MDFIC: variants seen among roughly 807,000 people sequenced by gnomAD.
MDFIC encodes the protein myoD family inhibitor domain-containing protein.
A neutral mutation model predicts 23.2 loss-of-function variants in MDFIC; 17 were observed. The ratio of observed to expected loss-of-function variants is 0.73; its 90% confidence interval spans 0.50 to 1.10. The LOEUF is 1.10. Among genes scored for constraint, MDFIC ranks in the 50% least tolerant of loss-of-function variants. The pLI is 0.00. For synonymous variants in MDFIC, 120 were observed against 115.2 expected, an observed-to-expected ratio of 1.04 and a Z score of -0.27; for missense variants, 356 against 316.6, an observed-to-expected ratio of 1.12 and a Z score of -0.95.
chr7:114,963,125 A>G (rs1793027127), intron 3 of MDFIC, among the ~76,000 whole-genome samples: 1 of 152,146 alleles, frequency 6.6e-6, no homozygotes. Flanking sequence ...TATTTAAGCC[A>G]ATTTCTGGTC....
At chr7:114,938,799 AC>A (rs5886740) in intron 2 of MDFIC, among the ~76,000 whole-genome samples, 151,337 of 152,306 alleles carry the variant, frequency 0.99, 75,192 homozygotes, top group East Asian at 1. Flanking sequence ...TTTCAGGTCT[AC>A]CCTACTAGTT....
chr7:114,990,035 A>G (rs1793578065), intron 4 of MDFIC, among the ~76,000 whole-genome samples: 1 of 152,236 alleles, frequency 6.6e-6, no homozygotes, highest in South Asian at 2.1e-4. Flanking sequence ...AAACAGCTAA[A>G]GAGAAGAAAA....
At chr7:114,973,813 G>T (rs1008254220) in intron 3 of MDFIC, among the ~76,000 whole-genome samples, 3 of 152,124 alleles carry the variant, frequency 2.0e-5, no homozygotes, top group Non-Finnish European at 4.4e-5. Context: ...TGCCTCCTTT[G>T]CGAGTTCCCA....
chr7:114,957,081 A>G (rs1347588118), intron 3 of MDFIC, among the ~76,000 whole-genome samples: 1 of 152,160 alleles, frequency 6.6e-6, no homozygotes, highest in Non-Finnish European at 1.5e-5. Context: ...TAAGCTTTAT[A>G]ATATTACAAA....
intron 3 of MDFIC, among the ~76,000 whole-genome samples, chr7:114,959,698 GA>G (rs1792948193): frequency 6.6e-6 from 1 of 151,990 alleles, no homozygotes; most frequent in African/African-American, 2.4e-5. Context: ...GATTATGTAG[GA>G]AGACTTTGGA....
At chr7:114,939,064 T>C (rs1277427955) in intron 2 of MDFIC, among the ~76,000 whole-genome samples, 1 of 152,132 alleles carries the variant, frequency 6.6e-6, no homozygotes, top group Non-Finnish European at 1.5e-5. Flanking sequence ...TGCTCCCTCT[T>C]CAGAGCATTT....
At chr7:114,929,514 C>T (rs1270801006) in intron 2 of MDFIC, among the ~76,000 whole-genome samples, 4 of 152,128 alleles carry the variant, frequency 2.6e-5, no homozygotes, top group Admixed American at 2.0e-4. Context: ...ATAGTTTTCT[C>T]GCCTAGCCGG....
At chr7:114,961,189 A>G (rs183981580) in intron 3 of MDFIC, among the ~76,000 whole-genome samples, 36 of 152,256 alleles carry the variant, frequency 2.4e-4, no homozygotes, top group Middle Eastern at 3.4e-3. Flanking sequence ...ATGAGACACA[A>G]TCCTTTCCCC....
intron 3 of MDFIC, among the ~76,000 whole-genome samples, chr7:114,943,103 G>A (rs955293989): frequency 5.1e-4 from 78 of 152,188 alleles, no homozygotes; most frequent in African/African-American, 1.8e-3. Context: ...GAAGAGCATA[G>A]GGAGTAAATC....
chr7:114,987,258 CT>C (rs1793531200), intron 4 of MDFIC, among the ~76,000 whole-genome samples: 1 of 152,116 alleles, frequency 6.6e-6, no homozygotes, highest in Admixed American at 6.6e-5. Context: ...GAGTTGTTTG[CT>C]GTTACAATAC....
At chr7:114,923,950 T>A (rs1012249404) in intron 2 of MDFIC, among the ~76,000 whole-genome samples, 2 of 152,246 alleles carry the variant, frequency 1.3e-5, no homozygotes, top group Non-Finnish European at 2.9e-5. Context: ...CCCCTGATTT[T>A]AGGCATAAAC....
At chr7:115,000,168 C>T (rs1003807769) in intron 4 of MDFIC, among the ~76,000 whole-genome samples, 1 of 152,122 alleles carries the variant, frequency 6.6e-6, no homozygotes, top group Non-Finnish European at 1.5e-5. Context: ...TTTTACTGTA[C>T]CTTTTCTATG....
chr7:114,962,096 A>T (rs966524850), intron 3 of MDFIC, among the ~76,000 whole-genome samples: 2 of 152,162 alleles, frequency 1.3e-5, no homozygotes, highest in African/African-American at 2.4e-5. Flanking sequence ...TTTTTTCTAG[A>T]TATCATGTCA....
intron 3 of MDFIC, among the ~76,000 whole-genome samples, chr7:114,943,745 TAGTG>T (rs1232494869): frequency 4.6e-5 from 7 of 152,222 alleles, no homozygotes; most frequent in African/African-American, 1.4e-4. Flanking sequence ...CAACCAGAGT[TAGTG>T]AGCACTAGAA....
At chr7:114,954,550 C>A (rs1270647059) in intron 3 of MDFIC, among the ~76,000 whole-genome samples, 6 of 152,212 alleles carry the variant, frequency 3.9e-5, no homozygotes, top group African/African-American at 1.4e-4. Flanking sequence ...GTTGAAATGT[C>A]TCTGCTTCTC....
chr7:114,973,989 A>G (rs996774444), intron 3 of MDFIC, among the ~76,000 whole-genome samples: 4 of 152,154 alleles, frequency 2.6e-5, no homozygotes, highest in African/African-American at 9.6e-5. Context: ...GGCAAATAAA[A>G]AAAAGATTAG....
chr7:115,014,252 C>G, intron 4 of MDFIC: 1 of 985,350 alleles, frequency 1.0e-6, no homozygotes, highest in Non-Finnish European at 1.2e-6. Context: ...TAGGGATAGG[C>G]CTGCAGAGTT....
At chr7:114,937,621 GA>G (rs1206933883) in intron 2 of MDFIC, among the ~76,000 whole-genome samples, 1 of 152,210 alleles carries the variant, frequency 6.6e-6, no homozygotes, top group Non-Finnish European at 1.5e-5. Flanking sequence ...CTTTGAGCCA[GA>G]ATTATGACAG....
chr7:114,922,946 C>T lies in MDFIC; in HGVS notation c.-88C>T. The T allele has an allele frequency of 6.3e-7, 1 of 1,590,410 alleles. No homozygotes were observed. On this transcript the variant is annotated 5_prime_UTR_variant, in exon 2 of 5. Transcript: ENST00000393486. ...CGCCAGAAGCAGTCAGTTCCCTGCA[C>T]CCAGCACCTCACAGCCCTTCCTCCG... is the stretch of plus-strand genomic sequence containing the variant.
Sources: gnomAD v4.1 joint callset for allele counts (sites outside exome capture counted in the v4.1 genomes callset) on GRCh38, gnomAD v4.1.1 for gene constraint, MANE v1.5 for transcripts, NCBI Gene and HGNC (gene_info 2026-07-23, HGNC 2026-07-21) for gene names.